Variants in LIMK2 observed in about 807,000 individuals in gnomAD.
LIMK2 encodes LIM domain kinase 2.
A neutral mutation model predicts 75.7 loss-of-function variants in LIMK2; 35 were observed. The ratio of observed to expected loss-of-function variants is 0.46; its 90% CI spans 0.35 to 0.61. The LOEUF is 0.61. Among genes scored for constraint, LIMK2 ranks in the 20% least tolerant of loss-of-function variants. The pLI is 0.00. For synonymous variants in LIMK2, 301 were observed against 319.2 expected (o/e 0.94, Z 0.61); for missense variants, 623 against 831.0 (o/e 0.75, Z 3.08).
In LIMK2 at chr22:31,277,413, G is replaced by A. The variant is rs1165987426; in HGVS notation, c.1773-884G>A. ...CGAGGTAGGGTACGCCTTTGGTGCA[G>A]CTCAAAAAAAAAAAAAAAAATGATT... On this transcript the variant is annotated intron_variant, in intron 15 of 15. Transcript: ENST00000331728. 5.9e-4 allele frequency: 627 copies of A among 1,059,296 alleles called. 2 individuals carry two copies. In the African/African-American group the frequency reaches 0.019, roughly 32 times the overall value. 65.6% of individuals were successfully genotyped at this position (1,059,296 alleles called of 1,614,324 possible). A position where few individuals can be genotyped will look rare whatever the true frequency, so the allele number is the denominator to read the frequency against.
chr22:31,249,074 CT>C (rs1232434857), intron 2 of LIMK2, among the ~76,000 whole-genome samples: 2 of 152,206 alleles, frequency 1.3e-5, no homozygotes, highest in South Asian at 4.1e-4. Flanking sequence ...GATGTTACTG[CT>C]TCCGGGGGGA....
intron 2 of LIMK2, among the ~76,000 whole-genome samples, chr22:31,246,950 T>C (rs778028115): frequency 2.6e-5 from 4 of 152,182 alleles, no homozygotes; most frequent in Non-Finnish European, 5.9e-5. Flanking sequence ...CTAGAAGATA[T>C]TAACTGCTCA....
chr22:31,275,247 G>A lies in LIMK2; in HGVS notation c.1711G>A (p.Asp571Asn), dbSNP rs779644268. ...KLFWEKFVPT[D>N]CPPAFFPLAA... ...TTTCTGGGAGAAGTTTGTTCCCACA[G>A]ATTGTCCCCCGGCCTTCTTCCCGCT... Residue 571 changes from aspartate (D) to asparagine (N), a missense_variant, in exon 15 of 16, where the codon GAT (aspartate) becomes AAT (asparagine). This residue lies in a region of LIMK2 where 63 missense variants were observed against 122.8 expected (regional missense o/e 0.51). Coordinates refer to ENST00000331728, the MANE Select transcript of LIMK2 (RefSeq NM_005569.4). 3.2e-5 allele frequency: 52 copies of A among 1,614,112 alleles called. 1 individual carries two copies. The East Asian group carries it at 1.0e-3, about 31-fold the overall frequency.
At chr22:31,212,687 A>G (rs2048357768) in intron 1 of LIMK2, among the ~76,000 whole-genome samples, 1 of 151,932 alleles carries the variant, frequency 6.6e-6, no homozygotes, top group Admixed American at 6.6e-5. Flanking sequence ...CCGCGAGTTG[A>G]GGTCCCGGGG....
chr22:31,213,091 T>G (rs2048361346), intron 1 of LIMK2, among the ~76,000 whole-genome samples: 1 of 152,038 alleles, frequency 6.6e-6, no homozygotes, highest in Admixed American at 6.6e-5. Flanking sequence ...CTGCTACAGG[T>G]GGCGAAAGTA....
intron 2 of LIMK2, among the ~76,000 whole-genome samples, chr22:31,250,015 CT>C (rs1197156168): frequency 2.6e-5 from 4 of 152,166 alleles, no homozygotes; most frequent in Non-Finnish European, 5.9e-5. Context: ...GTCTTCCTGA[CT>C]TTCTCTCATC....
At chr22:31,277,281 C>T in intron 15 of LIMK2, 3 of 1,488,488 alleles carry the variant, frequency 2.0e-6, no homozygotes, top group Non-Finnish European at 1.8e-6. Flanking sequence ...CCAGGGGTCT[C>T]TTCCCCTGCC....
intron 1 of LIMK2, among the ~76,000 whole-genome samples, chr22:31,215,983 T>G (rs1012175935): frequency 2.0e-5 from 3 of 152,198 alleles, no homozygotes; most frequent in Admixed American, 6.5e-5. Context: ...AGGAACAAGA[T>G]AGACCAAATC....
intron 2 of LIMK2, among the ~76,000 whole-genome samples, chr22:31,235,321 G>C (rs962115363): frequency 2.0e-5 from 3 of 152,114 alleles, no homozygotes; most frequent in Non-Finnish European, 4.4e-5. Flanking sequence ...ACTGTAAATG[G>C]CAAGACGGAA....
At chr22:31,256,444 GATTCTC>G (rs2048782903) in intron 2 of LIMK2, among the ~76,000 whole-genome samples, 1 of 151,156 alleles carries the variant, frequency 6.6e-6, no homozygotes, top group South Asian at 2.1e-4. Flanking sequence ...GGGTTCCAGT[GATTCTC>G]CTGCCTCAGC....
At position 31,272,744 on chromosome 22, in the gene LIMK2, G is replaced by A. The variant is rs1486017349; in HGVS notation, c.1558+40G>A. The stretch of plus-strand genomic sequence containing the variant: ...CCTGGAGGGGACACCCGCAGAGGGA[G>A]GACAGATGCTGCCCTTGCATCAGAG... On this transcript the variant is annotated intron_variant, in intron 13 of 15. Coordinates refer to ENST00000331728, the MANE Select transcript of LIMK2 (RefSeq NM_005569.4). The A allele has an allele frequency of 4.5e-6, 7 of 1,540,946 alleles. No homozygotes were observed. In the East Asian group the frequency reaches 1.6e-4, roughly 35 times the overall value.
intron 1 of LIMK2, among the ~76,000 whole-genome samples, chr22:31,221,990 G>C (rs1007379527): frequency 6.6e-6 from 1 of 152,168 alleles, no homozygotes; most frequent in Non-Finnish European, 1.5e-5. Flanking sequence ...GAGAAATGGT[G>C]GGGGTGGAAG....
At chr22:31,248,590 C>T (rs1257931206) in intron 2 of LIMK2, 2 of 1,608,350 alleles carry the variant, frequency 1.2e-6, no homozygotes, top group Admixed American at 1.7e-5. Flanking sequence ...GAGGTGAGCT[C>T]AGGGCAGCCT....
intron 1 of LIMK2, among the ~76,000 whole-genome samples, chr22:31,220,830 C>T (rs573097663): frequency 5.9e-4 from 90 of 152,212 alleles, no homozygotes; most frequent in Non-Finnish European, 1.0e-3. Flanking sequence ...GGCGTCGTGG[C>T]GCATGCCCAC....
chr22:31,220,729 G>A (rs1356853099), intron 1 of LIMK2, among the ~76,000 whole-genome samples: 1 of 152,254 alleles, frequency 6.6e-6, no homozygotes, highest in Non-Finnish European at 1.5e-5. Flanking sequence ...TTGGGAGGCC[G>A]AGGTGGGCAG....
intron 12 of LIMK2, 101 bp downstream of exon 12, chr22:31,271,302 G>A (rs953595068): frequency 3.0e-6 from 3 of 999,502 alleles, no homozygotes; most frequent in Admixed American, 1.7e-5. Flanking sequence ...GAGGGCAGAG[G>A]TGTTGCCTAG....
chr22:31,262,941 G>A lies in LIMK2; in HGVS notation c.854+150G>A. On this transcript the variant is annotated intron_variant, in intron 7 of 15. Transcript: ENST00000331728. The surrounding 1 kb of genome is among the most constrained non-coding windows in gnomAD (Gnocchi z 5.0). ...GTGCTGACCCAGCTGCCCCTGTGGG[G>A]ATCACAGTTTACAGCCAGAGCCTGT... 4.2e-6 allele frequency: 3 copies of A among 718,356 alleles called. No individual in the cohort carries two copies. The highest frequency in any genetic ancestry group is 3.0e-5 in the East Asian group (1 of 32,842). The allele number at this position is 718,356 out of a possible 1,614,324, so 44.5% of individuals were successfully genotyped here.
chr22:31,259,260 C>G, intron 4 of LIMK2, 30 bp downstream of exon 4: 1 of 1,420,676 alleles, frequency 7.0e-7, no homozygotes, highest in Non-Finnish European at 9.9e-7. Context: ...TCTATCCTCT[C>G]CCATATAAGA....
intron 2 of LIMK2, among the ~76,000 whole-genome samples, chr22:31,252,461 G>C (rs2048734311): frequency 2.0e-5 from 3 of 151,336 alleles, no homozygotes; most frequent in Admixed American, 1.3e-4. Context: ...AGGATCTCTT[G>C]AGCCTGGGAG....
Sources: allele counts gnomAD v4.1 joint callset (sites outside exome capture counted in the v4.1 genomes callset), GRCh38; gene constraint gnomAD v4.1.1; regional missense constraint gnomAD v4.1.1; non-coding constraint Gnocchi (gnomAD v3.1); transcripts MANE v1.5; gene names NCBI Gene and HGNC (gene_info 2026-07-23, HGNC 2026-07-21).